The following VMA22 variants were observed in gnomAD, a reference collection of about 807,000 sequenced individuals.
VMA22 encodes the protein vacuolar ATPase assembly factor VMA22, also known as vacuolar ATPase assembly protein VMA22.
At chr2:130,342,465 C>T in the VMA22 span, 1 of 533,352 alleles carries the variant, frequency 1.9e-6, no homozygotes, top group Non-Finnish European at 3.3e-6. Flanking sequence ...CGAAGCTCTA[C>T]AGAAACCATT....
the VMA22 span, chr2:130,342,599 C>T: frequency 6.5e-3 from 2,998 of 460,904 alleles, 19 homozygotes; most frequent in Non-Finnish European, 8.6e-3. Context: ...TTTAGCGGTT[C>T]GTCATCTGAA....
the VMA22 span, chr2:130,342,455 C>T: frequency 5.5e-6 from 3 of 544,832 alleles, no homozygotes; most frequent in Non-Finnish European, 9.8e-6. Flanking sequence ...TGGAAGAAGG[C>T]GAAGCTCTAC....
the VMA22 span, chr2:130,341,970 C>G: frequency 6.2e-7 from 1 of 1,612,972 alleles, no homozygotes; most frequent in South Asian, 1.1e-5. Flanking sequence ...AGCGGTGAGA[C>G]TCAGTTTACG....
the VMA22 span, chr2:130,339,166 C>T: frequency 8.7e-6 from 14 of 1,613,996 alleles, no homozygotes; most frequent in African/African-American, 4.0e-5. Flanking sequence ...TTGGAGTCCC[C>T]GGAGCTGGCT....
At chr2:130,339,070 G>C in the VMA22 span, 1 of 1,401,194 alleles carries the variant, frequency 7.1e-7, no homozygotes, top group African/African-American at 1.4e-5. Flanking sequence ...AGATCACGTA[G>C]CCATGTCGGA....
chr2:130,340,551 C>T, the VMA22 span: 1 of 319,514 alleles, frequency 3.1e-6, no homozygotes, highest in Non-Finnish European at 6.0e-6. Flanking sequence ...AGAGAGACCT[C>T]CCCTGGCCCA....
the VMA22 span, chr2:130,342,412 C>T: frequency 1.8e-6 from 1 of 565,860 alleles, no homozygotes; most frequent in South Asian, 2.5e-5. Flanking sequence ...CGGAAGCTGC[C>T]GAATCTTAGA....
At chr2:130,341,343 C>G in the VMA22 span, 1 of 539,982 alleles carries the variant, frequency 1.9e-6, no homozygotes, top group Non-Finnish European at 3.3e-6. Context: ...ATAGACGTTC[C>G]AACTCCCCAT....
chr2:130,339,350 C>T, the VMA22 span: 1 of 1,334,706 alleles, frequency 7.5e-7, no homozygotes. Flanking sequence ...CACACTTGTC[C>T]CAAAACATTC....
the VMA22 span, chr2:130,339,367 C>A: frequency 3.0e-6 from 4 of 1,337,646 alleles, no homozygotes; most frequent in South Asian, 1.5e-5. Context: ...ATTCCAGGTA[C>A]GGCCCTGCAT....
At chr2:130,341,603 T>A in the VMA22 span, 2 of 1,330,198 alleles carry the variant, frequency 1.5e-6, no homozygotes, top group Non-Finnish European at 2.1e-6. Context: ...TTAAATCATC[T>A]CCATAATTTG....
At chr2:130,339,158 G>C in the VMA22 span, 1 of 1,614,124 alleles carries the variant, frequency 6.2e-7, no homozygotes, top group Non-Finnish European at 8.5e-7. Flanking sequence ...AGTTTCTCTT[G>C]GAGTCCCCGG....
At chr2:130,339,336 C>A in the VMA22 span, 2 of 1,335,260 alleles carry the variant, frequency 1.5e-6, no homozygotes, top group South Asian at 1.4e-5. Context: ...GCCTCTCTGC[C>A]CCCCACACTT....
the VMA22 span, chr2:130,341,801 G>A: frequency 2.2e-6 from 3 of 1,381,378 alleles, no homozygotes; most frequent in South Asian, 1.3e-5. Context: ...CCTAGAACGC[G>A]CCCGCCCGCC....
the VMA22 span, chr2:130,339,900 G>C: frequency 2.6e-6 from 3 of 1,152,538 alleles, no homozygotes; most frequent in South Asian, 4.6e-5. Flanking sequence ...CAAAAACTTT[G>C]GAATTTAAAC....
the VMA22 span, chr2:130,339,261 G>A: frequency 1.3e-6 from 2 of 1,587,854 alleles, no homozygotes; most frequent in Middle Eastern, 1.7e-4. Context: ...GGTCACCATG[G>A]TATCTGTAGT....
At chr2:130,339,487 C>A in the VMA22 span, 1 of 1,364,250 alleles carries the variant, frequency 7.3e-7, no homozygotes. Flanking sequence ...ACTAAAAATT[C>A]ACAGATAGTA....
At chr2:130,339,915 G>A in the VMA22 span, 11 of 964,710 alleles carry the variant, frequency 1.1e-5, no homozygotes, top group Non-Finnish European at 1.5e-5. Flanking sequence ...TTAAACACCA[G>A]TGCTATGCAG....
the VMA22 span, chr2:130,340,588 T>A: frequency 2.0e-4 from 76 of 372,276 alleles, 1 homozygote; most frequent in Middle Eastern, 3.7e-3. Context: ...TTATGTGTTT[T>A]TCATAACAAT....
Sources: gnomAD v4.1 joint callset for allele counts on GRCh38, gnomAD v4.1.1 for gene constraint, MANE v1.5 for transcripts, NCBI Gene and HGNC (gene_info 2026-07-23, HGNC 2026-07-21) for gene names.